The following SNAPC4 variants were observed in gnomAD, a reference collection of about 807,000 sequenced individuals.
SNAPC4 encodes the protein snRNA-activating protein complex subunit 4.
A neutral mutation model predicts 151.3 loss-of-function variants in SNAPC4; 127 were observed. The observed-to-expected ratio is 0.84, with a 90% CI of 0.73 to 0.97. The LOEUF is 0.97. SNAPC4 is among the 50% of genes least tolerant of loss of function. The pLI, the probability that SNAPC4 is intolerant of heterozygous loss-of-function variation, is 0.00. For missense variants in SNAPC4, 2,186 were observed against 1,935.0 expected (o/e 1.13, Z -2.43); for synonymous variants, 1,002 against 824.4 (o/e 1.22, Z -3.69).
At position 136,383,422 on chromosome 9, in the gene SNAPC4, A is replaced by G. The variant is rs1434032947; in HGVS notation, c.1747T>C (p.Trp583Arg). ...VPARQSTSQP[W>R]RGGAGAWLGG... ...AGCCAGGCCCCTGCCCCTCCTCTCC[A>G]TGGCTGGCTGGTGCTCTGCCTGGCA... is the stretch of plus-strand genomic sequence containing the variant. The change falls in exon 16 of 24, where the codon TGG becomes CGG. Residue 583 changes from tryptophan (W) to arginine (R), a missense_variant. Physicochemically the swap from Trp to Arg is moderately radical, Grantham distance 101. Coordinates refer to ENST00000684778, the MANE Select transcript of SNAPC4 (RefSeq NM_003086.4). This position sits in a 1 kb window ranked among gnomAD's most constrained non-coding sequence, Gnocchi z 4.2. The G allele has an allele frequency of 1.9e-6, 3 of 1,566,886 alleles. No homozygotes were observed. The highest frequency in any genetic ancestry group is 2.6e-6 in the Non-Finnish European group (3 of 1,155,890).
At chr9:136,386,996 T>A (rs982439317) in intron 13 of SNAPC4, among the ~76,000 whole-genome samples, 1 of 151,986 alleles carries the variant, frequency 6.6e-6, no homozygotes, top group Non-Finnish European at 1.5e-5. Flanking sequence ...CCGCCTGCCT[T>A]GACCTCCCAA....
intron 5 of SNAPC4, 147 bp downstream of exon 5, chr9:136,395,151 C>G (rs1202823794): frequency 9.5e-7 from 1 of 1,049,286 alleles, no homozygotes; most frequent in East Asian, 2.6e-5. Flanking sequence ...GCAGCTTGCC[C>G]ACCACGGAGG....
Position 136,378,391 on chromosome 9 carries a change from G to T in SNAPC4, c.3436C>A (p.Pro1146Thr). Residue 1146 changes from proline to threonine, a missense_variant, in exon 22 of 24, where the codon CCT becomes ACT. Pro to Thr is a conservative substitution (Grantham distance 38). Transcript: ENST00000684778. ...GCTGGGGTGTCTGTCCTGCAGGAAG[G>T]CTCCGGTTCCCTGTTCATATTGGCT... ...PPANMNREPE[P>T]SCRTDTPAPP... 2 of 1,609,762 alleles carry T rather than the reference G, an allele frequency of 1.2e-6. No homozygotes were observed. The highest frequency in any genetic ancestry group is 2.2e-5 in the South Asian group (2 of 90,860).
intron 10 of SNAPC4, among the ~76,000 whole-genome samples, chr9:136,390,090 G>A (rs1834015853): frequency 6.6e-6 from 1 of 152,122 alleles, no homozygotes; most frequent in Non-Finnish European, 1.5e-5. Context: ...CAGAGTGGAA[G>A]GAAAAGAGGC....
chr9:136,392,525 A>G lies in SNAPC4; in HGVS notation c.807T>C (p.Ile269=). 3.7e-6 allele frequency: 6 copies of G among 1,613,712 alleles called. No homozygotes were observed. Among genetic ancestry groups the G allele is most frequent in the Non-Finnish European group, 5.1e-6 (6 of 1,179,952 alleles). The change falls in exon 9 of 24, where the codon ATT becomes ATC. Residue 269 remains isoleucine (I), a synonymous_variant. Coordinates refer to ENST00000684778, the MANE Select transcript of SNAPC4 (RefSeq NM_003086.4). ...CTCAGACCTGCCCCTGACTTACGTT[A>G]ATATTGGAAATCTTCTCCCAGTCGT... ...DSHDWEKISN[I]NFEGSRSAEE... is the part of the protein sequence containing the mutation.
chr9:136,379,163 G>C lies in SNAPC4; in HGVS notation c.2664C>G (p.Pro888=), dbSNP rs1833595248. Residue 888 remains proline, a synonymous_variant, in exon 22 of 24, where the codon CCC becomes CCG. Transcript: ENST00000684778. ...ASLLASTGPR[P]KPKTVSELLQ... is the part of the protein sequence containing the mutation. ...GCAGCTCCGACACAGTCTTGGGCTT[G>C]GGCCGGGGGCCGGTTGAAGCCAGCA... 2 of 1,588,636 alleles carry C rather than the reference G, an allele frequency of 1.3e-6. No homozygotes were observed. The highest frequency in any genetic ancestry group is 1.7e-6 in the Non-Finnish European group (2 of 1,168,602).
At chr9:136,389,057 T>C (rs1833983878) in intron 10 of SNAPC4, among the ~76,000 whole-genome samples, 1 of 152,164 alleles carries the variant, frequency 6.6e-6, no homozygotes, top group African/African-American at 2.4e-5. Flanking sequence ...GGACAGCCCT[T>C]GGTTTGGTGT....
Position 136,378,577 on chromosome 9 carries a change from C to T in SNAPC4, c.3250G>A (p.Gly1084Arg), listed in dbSNP as rs537025754. Residue 1084 changes from glycine to arginine, a missense_variant, in exon 22 of 24, where the codon GGG becomes AGG. Coordinates refer to ENST00000684778, the MANE Select transcript of SNAPC4 (RefSeq NM_003086.4). The stretch of plus-strand genomic sequence containing the variant: ...GCTGGTACAGGAACAGGGAGAAGCC[C>T]CTGGGCTGTGAGCACCCAGGTGACA... ...LPVTWVLTAQ[G>R]LLPVPVPAVV... is the part of the protein sequence containing the mutation. The T allele has an allele frequency of 8.8e-6, 14 of 1,588,772 alleles. No homozygotes were observed. The African/African-American group carries it at 1.7e-4, about 20-fold the overall frequency.
At chr9:136,392,383 C>T in intron 9 of SNAPC4, 139 bp downstream of exon 9, 3 of 912,946 alleles carry the variant, frequency 3.3e-6, no homozygotes, top group Non-Finnish European at 5.3e-6. Flanking sequence ...GGGACATGTG[C>T]TTGACCCGGG....
intron 23 of SNAPC4, among the ~76,000 whole-genome samples, chr9:136,376,048 C>G: frequency 6.6e-6 from 1 of 152,188 alleles, no homozygotes; most frequent in Non-Finnish European, 1.5e-5. Flanking sequence ...CAGCAATGCA[C>G]GGGAACAGGG....
At position 136,381,342 on chromosome 9, in the gene SNAPC4, C is replaced by T. The variant is rs763171296; in HGVS notation, c.2368G>A (p.Val790Met). ...LQQARLASTP[V>M]FTLFTQLFHI... is the part of the protein sequence containing the mutation. ...CTTACCTGGGTAAACAGGGTAAACA[C>T]AGGGGTGCTGGCCAGGCGGGCCTGC... Residue 790 changes from valine to methionine, a missense_variant, in exon 19 of 24, where the codon GTG becomes ATG. Transcript: ENST00000684778. The T allele has an allele frequency of 6.2e-7, 1 of 1,612,864 alleles. No homozygotes were observed. Among genetic ancestry groups the T allele is most frequent in the South Asian group, 1.1e-5 (1 of 91,084 alleles).
At chr9:136,395,926 C>T (rs958067477) in intron 3 of SNAPC4, among the ~76,000 whole-genome samples, 156 bp from the exon 4 acceptor site, 10 of 152,182 alleles carry the variant, frequency 6.6e-5, no homozygotes, top group Non-Finnish European at 1.2e-4. Flanking sequence ...TGGTGGGCAG[C>T]GGGAGGGCGT....
rs558677610 is a variant in SNAPC4 at position 136,377,477 on chromosome 9, G to A, written c.4284+66C>T. On this transcript the variant is annotated intron_variant, in intron 22 of 23. Coordinates refer to ENST00000684778, the MANE Select transcript of SNAPC4 (RefSeq NM_003086.4). ...CACCAGCCCCCACCCCACTGCTCCAGGCAGGCGAGGGCACCCCAGGGACCG... is the reference window on the plus strand; with the variant it reads ...CACCAGCCCCCACCCCACTGCTCCAAGCAGGCGAGGGCACCCCAGGGACCG... 6.4e-5 allele frequency: 95 copies of A among 1,486,028 alleles called. No individual in the cohort carries two copies. In the African/African-American group the frequency reaches 1.2e-3, roughly 19 times the overall value. The allele number at this position is 1,486,028 out of a possible 1,614,324, so 92.1% of individuals were successfully genotyped here.
rs1491222014 is a variant in SNAPC4 at position 136,377,632 on chromosome 9, C to CA, written c.4194dup (p.Glu1399Ter). 1 of 1,581,840 alleles carries CA rather than the reference C, an allele frequency of 6.3e-7. No individual in the cohort carries two copies. The highest frequency in any genetic ancestry group is 1.4e-5 in the African/African-American group (1 of 73,834). On this transcript the variant is annotated frameshift_variant, in exon 22 of 24. Coordinates refer to ENST00000684778, the MANE Select transcript of SNAPC4 (RefSeq NM_003086.4). LOFTEE classifies it high-confidence loss of function. Reference sequence around the variant, plus strand: ...CTCAGGAGGTCTTCATCCTCACTCTCAGAGCCCACCCTCGAAGGTACTGAG... The same window carrying CA: ...CTCAGGAGGTCTTCATCCTCACTCTCAAGAGCCCACCCTCGAAGGTACTGAG...
Position 136,379,115 on chromosome 9 carries a change from C to G in SNAPC4, c.2712G>C (p.Glu904Asp), listed in dbSNP as rs1246337535. 2.6e-6 allele frequency: 4 copies of G among 1,561,058 alleles called. No homozygotes were observed. In the African/African-American group the frequency reaches 5.4e-5, roughly 21 times the overall value. The part of the protein sequence containing the change: ...SELLQEKRLQ[E>D]ARAREATRGP... ...CCCGGGTGGCCTCCCTGGCACGGGC[C>G]TCCTGAAGCCGCTTCTCCTGAAGCA... Residue 904 changes from glutamate to aspartate, a missense_variant, in exon 22 of 24, where the codon GAG (glutamate) becomes GAC (aspartate). By Grantham distance (45) the Glu-to-Asp change is conservative (BLOSUM62 2). Coordinates refer to ENST00000684778, the MANE Select transcript of SNAPC4 (RefSeq NM_003086.4).
In SNAPC4 at chr9:136,377,995, C is replaced by A. The variant is rs1833522983; in HGVS notation, c.3832G>T (p.Gly1278Cys). The change falls in exon 22 of 24, where the codon GGC (glycine) becomes TGC (cysteine). Residue 1278 changes from glycine to cysteine, a missense_variant. By Grantham distance (159) the Gly-to-Cys change is radical. Transcript: ENST00000684778. Reference sequence around the variant, plus strand: ...AGCCACTGCTGTGTGGCCGCCTCGCCCTCCTGGGACAGCAGGCCCAGGTCC... The same window carrying A: ...AGCCACTGCTGTGTGGCCGCCTCGCACTCCTGGGACAGCAGGCCCAGGTCC... ...ALDLGLLSQE[G>C]EAATQQWLGG... is the part of the protein sequence containing the mutation. 1 of 1,601,920 alleles carries A rather than the reference C, an allele frequency of 6.2e-7. No individual in the cohort carries two copies. The highest frequency in any genetic ancestry group is 8.5e-7 in the Non-Finnish European group (1 of 1,175,010).
intron 20 of SNAPC4, among the ~76,000 whole-genome samples, chr9:136,380,209 C>T (rs554701414): frequency 6.6e-6 from 1 of 152,206 alleles, no homozygotes; most frequent in South Asian, 2.1e-4. Context: ...AAAGGCCTGG[C>T]CTTGTTCCCC....
In SNAPC4 at chr9:136,394,584, C is replaced by T. The variant is rs530279054; in HGVS notation, c.550+216G>A. Among the ~76,000 whole-genome samples, 29 of 152,326 alleles carry T rather than the reference C, an allele frequency of 1.9e-4. No individual in the cohort carries two copies. The East Asian group carries it at 2.5e-3, about 13-fold the overall frequency. On this transcript the variant is annotated intron_variant, in intron 6 of 23. Coordinates refer to ENST00000684778, the MANE Select transcript of SNAPC4 (RefSeq NM_003086.4). ...GGAGACTGAGCCAGAGGGTGGGGTGCGGCCTGGCTAGCCCCTCGTGACTGG... is the reference window on the plus strand; with the variant it reads ...GGAGACTGAGCCAGAGGGTGGGGTGTGGCCTGGCTAGCCCCTCGTGACTGG...
rs1428632340 is a variant in SNAPC4, at chr9:136,378,529, C to T, written c.3298G>A (p.Ala1100Thr). Residue 1100 changes from alanine to threonine, a missense_variant, in exon 22 of 24, where the codon GCA becomes ACA. Ala to Thr is a moderately conservative substitution (Grantham distance 58). Transcript: ENST00000684778. ...AGCCCTGCGGGGCCAGGGGTCCCTG[C>T]TGGCCTGGGAAGGCTCACCACAGCT... ...VPAVVSLPRP[A>T]GTPGPAGLLA... 3 of 1,591,968 alleles carry T rather than the reference C, an allele frequency of 1.9e-6. No homozygotes were observed. Among genetic ancestry groups the T allele is most frequent in the African/African-American group, 1.3e-5 (1 of 74,682 alleles).
Sources: gnomAD v4.1 joint callset for allele counts (sites outside exome capture counted in the v4.1 genomes callset) on GRCh38, gnomAD v4.1.1 for gene constraint, Gnocchi (gnomAD v3.1) non-coding constraint, MANE v1.5 for transcripts, NCBI Gene and HGNC (gene_info 2026-07-23, HGNC 2026-07-21) for gene names.